The following R3HDM1 variants were observed in gnomAD, a reference collection of about 807,000 sequenced individuals.
The protein encoded by R3HDM1 is R3H domain-containing protein 1.
Under a neutral mutation model 141.1 loss-of-function variants are expected in R3HDM1, and 46 were observed. The ratio of observed to expected loss-of-function variants is 0.33; its 90% CI spans 0.26 to 0.42. R3HDM1 has a LOEUF of 0.42. Ranked by LOEUF, R3HDM1 falls within the 10% of genes least tolerant of loss-of-function variation. R3HDM1 has a pLI of 1.00. For synonymous variants in R3HDM1, 435 were observed against 472.9 expected (o/e 0.92, Z 1.04); for missense variants, 1,184 against 1,368.3 (o/e 0.87, Z 2.12).
chr2:135,652,749 C>G (rs2065281536), intron 18 of R3HDM1, among the ~76,000 whole-genome samples: 1 of 152,088 alleles, frequency 6.6e-6, no homozygotes, highest in Admixed American at 6.6e-5. Context: ...CAGAATTCAC[C>G]AATGAATTCA....
intron 25 of R3HDM1, 52 bp from the exon 26 acceptor site, chr2:135,722,417 T>G: frequency 2.5e-6 from 4 of 1,573,298 alleles, no homozygotes; most frequent in Non-Finnish European, 3.5e-6. Context: ...ACATCCAAAG[T>G]GTGTTTTTCA....
intron 1 of R3HDM1, among the ~76,000 whole-genome samples, chr2:135,567,182 A>C (rs1264772883): frequency 1.3e-5 from 2 of 152,164 alleles, no homozygotes; most frequent in Non-Finnish European, 2.9e-5. Context: ...GTATCCTACC[A>C]ATCTGCAGCC....
At chr2:135,718,852 A>G (rs1206343157) in intron 24 of R3HDM1, among the ~76,000 whole-genome samples, 1 of 152,142 alleles carries the variant, frequency 6.6e-6, no homozygotes, top group Admixed American at 6.6e-5. Flanking sequence ...ATTCCTTATT[A>G]AATTTAGAAA....
rs1248822594 is a variant in R3HDM1, at chr2:135,636,784, CTG to C, written c.903+605_903+606del. On this transcript the variant is annotated intron_variant, in intron 11 of 26. Transcript: ENST00000683871. ...AATCAGCTACAGATAGAAATTTCCT[CTG>C]TGTTAAAAAAAAAAAAAAAAGAAGA... Among the ~76,000 whole-genome samples the C allele has an allele frequency of 3.4e-5, 5 of 147,278 alleles. No individual in the cohort carries two copies. In the East Asian group the frequency reaches 5.9e-4, roughly 17 times the overall value.
intron 1 of R3HDM1, among the ~76,000 whole-genome samples, chr2:135,583,041 C>G (rs780533654): frequency 3.3e-5 from 5 of 152,106 alleles, no homozygotes; most frequent in African/African-American, 1.2e-4. Flanking sequence ...CTGTGTGTGT[C>G]TCTGTTTCTC....
rs750268041 is a variant in R3HDM1, at chr2:135,586,651, CTTTG to C, written c.-249-15845_-249-15842del. The C allele has an allele frequency of 5.4e-4, 522 of 965,224 alleles. 1 individual carries two copies. Among genetic ancestry groups the C allele is most frequent in the Middle Eastern group, 1.6e-3 (3 of 1,872 alleles). The allele number at this position is 965,224 out of a possible 1,614,324, so 59.8% of individuals were successfully genotyped here. A position where few individuals can be genotyped will look rare whatever the true frequency, so the allele number is the denominator to read the frequency against. ...GAAAGTGAGAGCATTTTAAAATTGT[CTTTG>C]TTTATTTTTGCAAAAATATATTTGT... is the stretch of plus-strand genomic sequence containing the variant. On this transcript the variant is annotated intron_variant, in intron 1 of 26. Coordinates refer to ENST00000683871, the MANE Select transcript of R3HDM1 (RefSeq NM_001378107.1).
intron 23 of R3HDM1, among the ~76,000 whole-genome samples, chr2:135,712,794 G>A (rs1009849179): frequency 3.0e-4 from 45 of 151,872 alleles, no homozygotes; most frequent in African/African-American, 6.5e-4. Flanking sequence ...GGTGGTGGGC[G>A]CCTGTAGTCC....
intron 1 of R3HDM1, chr2:135,550,289 A>G: frequency 1.1e-6 from 1 of 930,668 alleles, no homozygotes; most frequent in South Asian, 5.0e-5. Flanking sequence ...TATTTGTGAT[A>G]TATGGAAATT....
intron 1 of R3HDM1, among the ~76,000 whole-genome samples, chr2:135,595,787 T>C (rs1034489371): frequency 3.3e-5 from 5 of 152,200 alleles, no homozygotes; most frequent in Non-Finnish European, 5.9e-5. Flanking sequence ...AGTCTGGAGA[T>C]TGAGTGAATG....
chr2:135,595,890 C>A (rs58251202), intron 1 of R3HDM1, among the ~76,000 whole-genome samples: 2,538 of 152,306 alleles, frequency 0.017, 77 homozygotes, highest in African/African-American at 0.058. Flanking sequence ...TTTGCTAGAA[C>A]AGGGTTAATC....
At chr2:135,702,828 T>C (rs2074416746) in intron 21 of R3HDM1, among the ~76,000 whole-genome samples, 1 of 151,524 alleles carries the variant, frequency 6.6e-6, no homozygotes, top group African/African-American at 2.4e-5. Flanking sequence ...GAAAAACATA[T>C]AGAGTAAAGA....
chr2:135,559,371 C>T (rs998161793), intron 1 of R3HDM1, among the ~76,000 whole-genome samples: 2 of 152,130 alleles, frequency 1.3e-5, no homozygotes, highest in Admixed American at 6.6e-5. Flanking sequence ...CCCACCTCAC[C>T]TTCCCAAAGT....
At chr2:135,607,322 G>T in intron 3 of R3HDM1, 4 of 985,272 alleles carry the variant, frequency 4.1e-6, no homozygotes, top group Non-Finnish European at 4.8e-6. Flanking sequence ...TCATTCTTTT[G>T]TTCAGTCAAA....
chr2:135,609,940 A>G (rs60956403), intron 3 of R3HDM1, among the ~76,000 whole-genome samples: 6,728 of 152,134 alleles, frequency 0.044, 501 homozygotes, highest in African/African-American at 0.15. Flanking sequence ...GCTACTCAAG[A>G]GGCTGAGGTG....
intron 21 of R3HDM1, among the ~76,000 whole-genome samples, chr2:135,693,504 C>T (rs537070833): frequency 7.9e-5 from 12 of 152,104 alleles, no homozygotes; most frequent in African/African-American, 2.7e-4. Context: ...AGTTGAAGAC[C>T]ATTAAAGGGA....
chr2:135,565,915 C>A (rs964735063), intron 1 of R3HDM1: 1 of 152,032 alleles, frequency 6.6e-6, no homozygotes, highest in South Asian at 2.1e-4. Flanking sequence ...GGTGATCAAA[C>A]AAAGAAACAG....
intron 7 of R3HDM1, among the ~76,000 whole-genome samples, chr2:135,625,540 C>T (rs1463675253): frequency 6.6e-6 from 1 of 152,182 alleles, no homozygotes; most frequent in Non-Finnish European, 1.5e-5. Flanking sequence ...TGGTCTGCCT[C>T]CGTTTCCTAG....
intron 18 of R3HDM1, among the ~76,000 whole-genome samples, chr2:135,658,790 GTCT>G (rs1431675525): frequency 6.6e-6 from 1 of 151,588 alleles, no homozygotes; most frequent in East Asian, 1.9e-4. Flanking sequence ...TTATTCTAAA[GTCT>G]TCTTTTATGA....
chr2:135,630,970 A>G (rs534760741), intron 7 of R3HDM1, among the ~76,000 whole-genome samples: 53 of 152,282 alleles, frequency 3.5e-4, no homozygotes, highest in Middle Eastern at 3.4e-3. Context: ...GAGCACATAC[A>G]GGTACTCCCT....
Sources: allele counts gnomAD v4.1 joint callset (sites outside exome capture counted in the v4.1 genomes callset), GRCh38; gene constraint gnomAD v4.1.1; transcripts MANE v1.5; gene names NCBI Gene and HGNC (gene_info 2026-07-23, HGNC 2026-07-21).